Variants in SVOPL observed in about 807,000 individuals in gnomAD.
SVOPL encodes putative transporter SVOPL.
A neutral mutation model predicts 61.0 loss-of-function variants in SVOPL; 60 were observed. The observed-to-expected ratio is 0.98, with a 90% CI of 0.80 to 1.22. The LOEUF (loss-of-function observed/expected upper bound fraction) is 1.22. Ranked by LOEUF, SVOPL falls within the 50% of genes most tolerant of loss-of-function variation. SVOPL has a pLI of 0.00. For synonymous variants in SVOPL, 279 were observed against 250.0 expected, an observed-to-expected ratio of 1.12 and a Z score of -1.09; for missense variants, 662 against 643.9, an observed-to-expected ratio of 1.03 and a Z score of -0.30.
chr7:138,619,561 T>TTA (rs1554455912), intron 14 of SVOPL, among the ~76,000 whole-genome samples: 37 of 60,324 alleles, frequency 6.1e-4, no homozygotes, highest in South Asian at 1.7e-3. Flanking sequence ...TCTCAGATGT[T>TTA]AAAAAAAAAA....
Position 138,629,226 on chromosome 7 carries a change from G to A in SVOPL, c.863+823C>T, listed in dbSNP as rs531865739. On this transcript the variant is annotated intron_variant, in intron 10 of 15. Transcript: ENST00000674285. The stretch of plus-strand genomic sequence containing the variant: ...CTCCCCATGGATGGCTTACCTTTCA[G>A]GCTCTTCATGATTTTTTTTTTTTTG... 6.6e-4 allele frequency among the ~76,000 whole-genome samples: 76 copies of A among 115,686 alleles called. 1 individual carries two copies. The highest frequency in any genetic ancestry group is 1.2e-4 in the Non-Finnish European group (7 of 56,646). 75.9% of individuals were successfully genotyped at this position (115,686 alleles called of 152,430 possible).
At chr7:138,620,852 G>A (rs575505265) in intron 14 of SVOPL, among the ~76,000 whole-genome samples, 194 bp downstream of exon 14, 1 of 152,278 alleles carries the variant, frequency 6.6e-6, no homozygotes, top group East Asian at 1.9e-4. Flanking sequence ...ACTACCGACT[G>A]GAAGGCTGAA....
rs947694517 is a variant in SVOPL at position 138,663,108 on chromosome 7, A to C, written c.311T>G (p.Phe104Cys). Residue 104 changes from phenylalanine to cysteine, a missense_variant, in exon 5 of 16, where the codon TTT becomes TGT. Phe to Cys is a radical substitution (Grantham distance 205). Transcript: ENST00000674285. The stretch of plus-strand genomic sequence containing the variant: ...GCCATATCTGTCAGCCAGGAGGCCA[A>C]AGAGGATACTGAAAACCATGTAGCC... ...FFGYMVFSIL[F>C]GLLADRYGRW... The C allele has an allele frequency of 6.2e-7, 1 of 1,614,184 alleles. No individual in the cohort carries two copies. The highest frequency in any genetic ancestry group is 8.5e-7 in the Non-Finnish European group (1 of 1,180,038).
At chr7:138,669,932 A>C (rs2117105672) in intron 4 of SVOPL, among the ~76,000 whole-genome samples, 1 of 152,186 alleles carries the variant, frequency 6.6e-6, no homozygotes, top group East Asian at 1.9e-4. Flanking sequence ...CTTCATTAAA[A>C]CCAGCTTCAA....
rs375556204 is a variant in SVOPL at position 138,620,119 on chromosome 7, G to GTTTTT, written c.1353+926_1353+927insAAAAA. On this transcript the variant is annotated intron_variant, in intron 14 of 15. Coordinates refer to ENST00000674285, the MANE Select transcript of SVOPL (RefSeq NM_001139456.2). Reference sequence around the variant, plus strand: ...TTTTTTTCTTTTTTGTTTTTTTTCTGTTTTGTTTTTTTTTTTTTTTTGAGA... The same window carrying GTTTTT: ...TTTTTTTCTTTTTTGTTTTTTTTCTGTTTTTTTTTGTTTTTTTTTTTTTTTTGAGA... Among the ~76,000 whole-genome samples the GTTTTT allele has an allele frequency of 4.3e-3, 489 of 114,478 alleles. 15 individuals carry two copies. The highest frequency in any genetic ancestry group is 0.013 in the African/African-American group (419 of 31,744). 75.1% of individuals were successfully genotyped at this position (114,478 alleles called of 152,430 possible).
At chr7:138,628,078 G>A in intron 11 of SVOPL, 80 bp downstream of exon 11, 2 of 1,518,636 alleles carry the variant, frequency 1.3e-6, no homozygotes, top group Non-Finnish European at 1.8e-6. Flanking sequence ...GTGTCACAGG[G>A]TCACACTTCT....
At chr7:138,670,861 G>A (rs1474779432) in intron 4 of SVOPL, among the ~76,000 whole-genome samples, 1 of 152,002 alleles carries the variant, frequency 6.6e-6, no homozygotes, top group Non-Finnish European at 1.5e-5. Context: ...ATCCTTCCCT[G>A]AAGCCTTCCA....
chr7:138,630,562 A>C lies in SVOPL; in HGVS notation c.790-440T>G, dbSNP rs10237000. ...ACGGCATAAAGTTGAAAAAGGAGAG[A>C]ACGCCTAATTTCTTTTTCTGTCTCT... On this transcript the variant is annotated intron_variant, in intron 9 of 15. Transcript: ENST00000674285. Among the ~76,000 whole-genome samples the C allele has an allele frequency of 5.4e-3, 827 of 152,342 alleles. 9 individuals carry two copies. Among genetic ancestry groups the C allele is most frequent in the African/African-American group, 0.019 (777 of 41,586 alleles).
At chr7:138,611,407 A>T (rs1438048711) in intron 14 of SVOPL, among the ~76,000 whole-genome samples, 1 of 151,958 alleles carries the variant, frequency 6.6e-6, no homozygotes, top group Non-Finnish European at 1.5e-5. Context: ...ACAAAACAAA[A>T]CAAAACAAAA....
At chr7:138,670,506 C>A (rs567034758) in intron 4 of SVOPL, among the ~76,000 whole-genome samples, 1 of 152,194 alleles carries the variant, frequency 6.6e-6, no homozygotes, top group East Asian at 1.9e-4. Flanking sequence ...CCTGACTCAA[C>A]TGGTCCTGTG....
chr7:138,658,997 G>A (rs544479714), intron 6 of SVOPL, among the ~76,000 whole-genome samples: 299 of 151,922 alleles, frequency 2.0e-3, no homozygotes, highest in African/African-American at 6.6e-3. Flanking sequence ...AAGTGGGGTC[G>A]GACATGCCTC....
chr7:138,618,707 C>T (rs1159552213), intron 14 of SVOPL, among the ~76,000 whole-genome samples: 2 of 109,734 alleles, frequency 1.8e-5, no homozygotes, highest in Admixed American at 9.5e-5. Flanking sequence ...CGTGCACACG[C>T]GCGAGAGAGA....
rs1802061239 is a variant in SVOPL, at chr7:138,662,901, G to A, written c.345+173C>T. On this transcript the variant is annotated intron_variant, in intron 5 of 15. Transcript: ENST00000674285. ...GAACAGCTGCAGGCACAGGTACCCTGAGAAAAATGTCCAGAAGATAAGCCT... is the reference window on the plus strand; with the variant it reads ...GAACAGCTGCAGGCACAGGTACCCTAAGAAAAATGTCCAGAAGATAAGCCT... 20 of 1,443,346 alleles carry A rather than the reference G, an allele frequency of 1.4e-5. No homozygotes were observed. In the South Asian group the frequency reaches 2.3e-4, roughly 16 times the overall value. The allele number at this position is 1,443,346 out of a possible 1,614,324, so 89.4% of individuals were successfully genotyped here.
Position 138,663,061 on chromosome 7 carries a change from A to C in SVOPL, c.345+13T>G. 6.2e-7 allele frequency: 1 copy of C among 1,614,150 alleles called. No individual in the cohort carries two copies. Among genetic ancestry groups the C allele is most frequent in the Non-Finnish European group, 8.5e-7 (1 of 1,180,024 alleles). Reference sequence around the variant, plus strand: ...AAAGACAATTCCAAATGCTACTGTGAGGCCCCACCTACCTTCCAGCGGCCA... The same window carrying C: ...AAAGACAATTCCAAATGCTACTGTGCGGCCCCACCTACCTTCCAGCGGCCA... On this transcript the variant is annotated intron_variant, in intron 5 of 15. Transcript: ENST00000674285.
chr7:138,662,935 C>T (rs2117084776), intron 5 of SVOPL, 139 bp downstream of exon 5: 1 of 1,485,702 alleles, frequency 6.7e-7, no homozygotes, highest in South Asian at 1.4e-5. Flanking sequence ...CTGGAATGTT[C>T]CATCAGGGAG....
chr7:138,674,258 C>T (rs1479072745), intron 3 of SVOPL, among the ~76,000 whole-genome samples: 3 of 151,726 alleles, frequency 2.0e-5, no homozygotes, highest in Non-Finnish European at 4.4e-5. Context: ...TGGTCACAGG[C>T]TGAGGCTGCT....
chr7:138,613,832 A>T (rs968131332), intron 14 of SVOPL, among the ~76,000 whole-genome samples: 1 of 152,216 alleles, frequency 6.6e-6, no homozygotes, highest in African/African-American at 2.4e-5. Flanking sequence ...CCTGACTTAC[A>T]TCATTTGTCA....
chr7:138,613,119 C>T (rs146849955), intron 14 of SVOPL, among the ~76,000 whole-genome samples: 7 of 151,532 alleles, frequency 4.6e-5, no homozygotes, highest in Non-Finnish European at 8.9e-5. Context: ...CCCAGGGTTC[C>T]AGCGATTCTC....
chr7:138,681,527 A>G (rs1352114770), intron 1 of SVOPL, among the ~76,000 whole-genome samples: 1 of 152,022 alleles, frequency 6.6e-6, no homozygotes. Flanking sequence ...GAAAGATTAC[A>G]AAATTAAAAC....
Sources: gnomAD v4.1 joint callset for allele counts (sites outside exome capture counted in the v4.1 genomes callset) on GRCh38, gnomAD v4.1.1 for gene constraint, MANE v1.5 for transcripts, NCBI Gene and HGNC (gene_info 2026-07-23, HGNC 2026-07-21) for gene names.